The following DIAPH2 variants were observed in gnomAD, a reference collection of about 807,000 sequenced individuals.
The protein encoded by DIAPH2 is diaphanous related formin 2, also known as protein diaphanous homolog 2.
A neutral mutation model predicts 92.7 loss-of-function variants in DIAPH2; 35 were observed. The observed-to-expected ratio is 0.38, with a 90% CI of 0.29 to 0.50. The LOEUF is 0.50. DIAPH2 is among the 20% of genes least tolerant of loss of function. The pLI is 0.94. For synonymous variants in DIAPH2, 301 were observed against 280.4 expected (o/e 1.07, Z -0.73); for missense variants, 701 against 819.5 (o/e 0.86, Z 1.77).
At chrX:97,256,464 A>G (rs761722313) in intron 23 of DIAPH2, among the ~76,000 whole-genome samples, 1 of 112,475 alleles carries the variant, frequency 8.9e-6, no homozygotes, top group African/African-American at 3.2e-5. Context: ...TAATTCCTCA[A>G]GTAATATACT....
At chrX:96,905,692 A>G (rs184200159) in intron 5 of DIAPH2, among the ~76,000 whole-genome samples, 15 of 111,965 alleles carry the variant, frequency 1.3e-4, no homozygotes, top group Admixed American at 1.1e-3. Context: ...TATATTTTTG[A>G]TATAATTCTG....
At chrX:97,083,478 T>C (rs149530133) in intron 19 of DIAPH2, among the ~76,000 whole-genome samples, 1 of 111,998 alleles carries the variant, frequency 8.9e-6, no homozygotes, top group African/African-American at 3.2e-5. Flanking sequence ...ACTTTGGCAC[T>C]ACTGATGTTT....
intron 22 of DIAPH2, among the ~76,000 whole-genome samples, chrX:97,170,866 AAATT>A (rs1410930737): frequency 9.0e-6 from 1 of 111,055 alleles, no homozygotes; most frequent in Non-Finnish European, 1.9e-5. Flanking sequence ...CTTTTTTAAA[AAATT>A]ATTTATTTAT....
intron 20 of DIAPH2, among the ~76,000 whole-genome samples, chrX:97,106,273 T>G (rs2066939972): frequency 8.9e-6 from 1 of 111,810 alleles, no homozygotes; most frequent in Admixed American, 9.5e-5. Context: ...TTTGTAAATA[T>G]TAGTGCTAGT....
At chrX:97,007,536 T>C (rs2066191386) in intron 17 of DIAPH2, among the ~76,000 whole-genome samples, 1 of 110,657 alleles carries the variant, frequency 9.0e-6, no homozygotes, top group Non-Finnish European at 1.9e-5. Context: ...GCCCGATTTA[T>C]GGGAGCTCCA....
At chrX:97,089,738 T>C (rs1404118592) in intron 19 of DIAPH2, among the ~76,000 whole-genome samples, 1 of 110,651 alleles carries the variant, frequency 9.0e-6, no homozygotes, top group Non-Finnish European at 1.9e-5. Flanking sequence ...TATTTTATTT[T>C]TTTTTTGGAG....
chrX:96,718,601 G>A (rs746961178), intron 1 of DIAPH2, among the ~76,000 whole-genome samples: 4 of 109,407 alleles, frequency 3.7e-5, no homozygotes, highest in South Asian at 4.0e-4. Flanking sequence ...TAATCCACCC[G>A]CCTCAGCCTC....
rs920899012 is a variant in DIAPH2, at chrX:97,603,869, C to G, written c.*4552C>G. On this transcript the variant is annotated 3_prime_UTR_variant, in exon 27 of 27. Transcript: ENST00000324765. ...AATCTAGTTTTTTCTATCACAGCCA[C>G]CAAAATTCTTCTAGTCTCTACCCAT... The G allele has an allele frequency of 4.7e-4, 53 of 111,975 alleles. No homozygotes were observed. The highest frequency in any genetic ancestry group is 1.7e-3 in the African/African-American group (52 of 30,755). 9.2% of individuals were successfully genotyped at this position (111,975 alleles called of 1,213,427 possible).
chrX:97,535,930 C>T (rs917575547), intron 26 of DIAPH2, among the ~76,000 whole-genome samples: 4 of 112,102 alleles, frequency 3.6e-5, no homozygotes, highest in African/African-American at 9.7e-5. Flanking sequence ...TACATGGTAA[C>T]ATTGGTGAAC....
chrX:96,902,711 GT>G (rs1317232519), intron 5 of DIAPH2, among the ~76,000 whole-genome samples: 1 of 110,802 alleles, frequency 9.0e-6, no homozygotes, highest in African/African-American at 3.3e-5. Flanking sequence ...TTTAACCATG[GT>G]TAAGAATGTA....
At chrX:96,709,227 T>C (rs1457396134) in intron 1 of DIAPH2, among the ~76,000 whole-genome samples, 1 of 112,388 alleles carries the variant, frequency 8.9e-6, no homozygotes. Flanking sequence ...CAAATCTGTC[T>C]ATCAGTCACT....
intron 23 of DIAPH2, among the ~76,000 whole-genome samples, chrX:97,255,606 A>AAT (rs1015884260): frequency 6.2e-5 from 7 of 112,215 alleles, no homozygotes; most frequent in African/African-American, 2.3e-4. Flanking sequence ...TTATATAATT[A>AAT]ATATAAAACT....
chrX:97,301,774 G>A (rs1000834649), intron 23 of DIAPH2, among the ~76,000 whole-genome samples: 1 of 111,327 alleles, frequency 9.0e-6, no homozygotes, highest in African/African-American at 3.3e-5. Context: ...ACATTCTTGC[G>A]CCAGCTCCTT....
chrX:97,161,059 T>G (rs1464284361), intron 22 of DIAPH2, among the ~76,000 whole-genome samples: 50 of 105,505 alleles, frequency 4.7e-4, no homozygotes, highest in Admixed American at 9.1e-4. Context: ...TTGTTTTTTT[T>G]TTTTTTTTCC....
At chrX:97,467,977 G>A (rs1169374516) in intron 26 of DIAPH2, among the ~76,000 whole-genome samples, 1 of 111,911 alleles carries the variant, frequency 8.9e-6, no homozygotes, top group East Asian at 2.8e-4. Context: ...TAAAACTTGA[G>A]TTCACTGCTT....
At chrX:96,720,661 G>A (rs1227090581) in intron 1 of DIAPH2, among the ~76,000 whole-genome samples, 4 of 111,615 alleles carry the variant, frequency 3.6e-5, no homozygotes, top group African/African-American at 1.3e-4. Flanking sequence ...TCACTGTTCC[G>A]TAAGAACAAA....
chrX:97,382,449 G>A (rs762557655), intron 24 of DIAPH2, among the ~76,000 whole-genome samples: 151 of 112,017 alleles, frequency 1.3e-3, no homozygotes, highest in African/African-American at 4.5e-3. Context: ...GGATCATACT[G>A]GCATCTGGCA....
At chrX:97,022,896 CTT>C (rs1384385032) in intron 17 of DIAPH2, among the ~76,000 whole-genome samples, 1 of 110,800 alleles carries the variant, frequency 9.0e-6, no homozygotes, top group African/African-American at 3.3e-5. Flanking sequence ...TCTACAAAAA[CTT>C]TAAAAATTAG....
At position 97,010,752 on chromosome X, in the gene DIAPH2, A is replaced by G. The variant is rs111542161; in HGVS notation, c.2050+45545A>G. ...ACAGTTTTAGATCAAACCTAGGTAC[A>G]ACTACGGTATGATCTAAGATGACAT... On this transcript the variant is annotated intron_variant, in intron 17 of 26. Coordinates refer to ENST00000324765, the MANE Select transcript of DIAPH2 (RefSeq NM_006729.5). Among the ~76,000 whole-genome samples, 820 of 112,184 alleles carry G rather than the reference A, an allele frequency of 7.3e-3. 7 individuals are homozygous for G. The highest frequency in any genetic ancestry group is 0.025 in the African/African-American group (781 of 30,871).
Sources: allele counts gnomAD v4.1 joint callset (sites outside exome capture counted in the v4.1 genomes callset), GRCh38; gene constraint gnomAD v4.1.1; transcripts MANE v1.5; gene names NCBI Gene and HGNC (gene_info 2026-07-23, HGNC 2026-07-21).